The following PTPDC1 variants were observed in gnomAD, a reference collection of about 807,000 sequenced individuals.
The protein encoded by PTPDC1 is protein tyrosine phosphatase domain-containing protein 1.
PTPDC1 carries 53 observed loss-of-function variants against 75.3 expected under a neutral mutation model. The observed-to-expected ratio is 0.70, with a 90% CI of 0.56 to 0.88. The LOEUF (loss-of-function observed/expected upper bound fraction) is 0.88, where lower values mean the gene tolerates loss of function less well. Among genes scored for constraint, PTPDC1 ranks in the 40% least tolerant of loss-of-function variants. The pLI is 0.00. For missense variants in PTPDC1, 925 were observed against 998.6 expected (o/e 0.93, Z 0.99); for synonymous variants, 349 against 366.2 (o/e 0.95, Z 0.54).
intron 1 of PTPDC1, among the ~76,000 whole-genome samples, chr9:94,042,265 C>A (rs1825448002): frequency 1.3e-5 from 2 of 152,272 alleles, no homozygotes; most frequent in African/African-American, 4.8e-5. Flanking sequence ...TTGTTGCTTT[C>A]TTTTACAGTT....
At chr9:94,105,658 C>T (rs892252749) in intron 8 of PTPDC1, among the ~76,000 whole-genome samples, 20 of 102,856 alleles carry the variant, frequency 1.9e-4, no homozygotes, top group African/African-American at 9.1e-4. Flanking sequence ...CAGAGCGAGA[C>T]TCTGTCTCAA....
chr9:94,058,537 G>GA (rs1363885854), intron 1 of PTPDC1, among the ~76,000 whole-genome samples: 2,188 of 134,388 alleles, frequency 0.016, 35 homozygotes, highest in African/African-American at 0.053. Context: ...CATCTCTACT[G>GA]AAAAAAAAAA....
At chr9:94,095,711 T>C (rs1827539258) in intron 5 of PTPDC1, among the ~76,000 whole-genome samples, 1 of 152,202 alleles carries the variant, frequency 6.6e-6, no homozygotes, top group South Asian at 2.1e-4. Flanking sequence ...ATTATGCGTA[T>C]ACTAAATACA....
chr9:94,038,392 A>G (rs1825336452), intron 1 of PTPDC1: 1 of 434,374 alleles, frequency 2.3e-6, no homozygotes, highest in Non-Finnish European at 4.2e-6. Context: ...TGACTTTTTT[A>G]TGTGTACCAT....
Position 94,097,755 on chromosome 9 carries a change from G to T in PTPDC1, c.1189G>T (p.Val397Leu), listed in dbSNP as rs149978079. The change falls in exon 6 of 9, where the codon GTG becomes TTG. Residue 397 changes from valine to leucine, a missense_variant. Physicochemically the swap from Val to Leu is conservative, Grantham distance 32. Coordinates refer to ENST00000620992, the MANE Select transcript of PTPDC1 (RefSeq NM_001253829.2). The part of the protein sequence containing the change: ...DKELLRHDSD[V>L]SNPPNPTAVA... Reference sequence around the variant, plus strand: ...AGAGTTACTGAGGCATGACAGTGATGTGTCCAACCCGCCTAACCCCACTGC... The same window carrying T: ...AGAGTTACTGAGGCATGACAGTGATTTGTCCAACCCGCCTAACCCCACTGC... 2.4e-4 allele frequency: 385 copies of T among 1,614,196 alleles called. 1 individual carries two copies. The highest frequency in any genetic ancestry group is 8.2e-4 in the Middle Eastern group (5 of 6,062).
In PTPDC1 at chr9:94,076,013, T is replaced by G. The variant is rs2398902; in HGVS notation, c.83-9238T>G. ...GTGTGTTTTGTTTGTTTGTTTGTTT[T>G]TTTGAGACGGAGTTTCGCTCTTGTT... On this transcript the variant is annotated intron_variant, in intron 2 of 9. Transcript: ENST00000375360. Among the ~76,000 whole-genome samples, 1,095 of 151,616 alleles carry G rather than the reference T, an allele frequency of 7.2e-3. 39 individuals carry two copies. The highest frequency in any genetic ancestry group is 0.06 in the Admixed American group (907 of 15,216).
rs772066766 is a variant in PTPDC1 at position 94,087,923 on chromosome 9, A to G, written c.497+12A>G. 2.5e-6 allele frequency: 4 copies of G among 1,605,846 alleles called. No homozygotes were observed. In the East Asian group the frequency reaches 6.7e-5, roughly 27 times the overall value. ...GATCAGTTCCTCAGGTAAATGCTGT[A>G]TTGTTCACACACGAGTGAGCAAACT... On this transcript the variant is annotated intron_variant, in intron 3 of 8. Transcript: ENST00000620992.
chr9:94,069,530 T>G (rs1383876065), intron 2 of PTPDC1, among the ~76,000 whole-genome samples: 1 of 151,804 alleles, frequency 6.6e-6, no homozygotes, highest in Non-Finnish European at 1.5e-5. Flanking sequence ...TTCTTTTTTT[T>G]TTTTTTTTTG....
Position 94,109,681 on chromosome 9 carries a change from A to G in PTPDC1, c.*1737A>G, listed in dbSNP as rs1828130276. Reference sequence around the variant, plus strand: ...CCACAGGTCTTTTGGCGAGTTTGCTATTTGCCTGTTGAAATACTTGTTTCA... The same window carrying G: ...CCACAGGTCTTTTGGCGAGTTTGCTGTTTGCCTGTTGAAATACTTGTTTCA... On this transcript the variant is annotated 3_prime_UTR_variant, in exon 9 of 9. Coordinates refer to ENST00000620992, the MANE Select transcript of PTPDC1 (RefSeq NM_001253829.2). 1 of 152,150 alleles carries G rather than the reference A, an allele frequency of 6.6e-6. No homozygotes were observed. The highest frequency in any genetic ancestry group is 1.5e-5 in the Non-Finnish European group (1 of 68,028). 9.4% of individuals were successfully genotyped at this position (152,150 alleles called of 1,614,324 possible).
At position 94,097,390 on chromosome 9, in the gene PTPDC1, G is replaced by A. The variant is rs779431455; in HGVS notation, c.824G>A (p.Arg275Gln). The stretch of plus-strand genomic sequence containing the variant: ...GCTGACCAAGCAATTATATTTGTGC[G>A]GGCAAAGCGACCCAATTCCATACAA... ...MTADQAIIFV[R>Q]AKRPNSIQTR... The change falls in exon 6 of 9, where the codon CGG (arginine) becomes CAG (glutamine). Residue 275 changes from arginine (R) to glutamine (Q), a missense_variant. Coordinates refer to ENST00000620992, the MANE Select transcript of PTPDC1 (RefSeq NM_001253829.2). 41 of 1,613,856 alleles carry A rather than the reference G, an allele frequency of 2.5e-5. No individual in the cohort carries two copies. Among genetic ancestry groups the A allele is most frequent in the African/African-American group, 6.7e-5 (5 of 74,878 alleles).
intron 1 of PTPDC1, among the ~76,000 whole-genome samples, chr9:94,061,376 G>T (rs995331409): frequency 6.6e-6 from 1 of 152,222 alleles, no homozygotes; most frequent in Admixed American, 6.5e-5. Context: ...CAAGCTGCTG[G>T]AGACTTTGTC....
rs748710176 is a variant in PTPDC1 at position 94,098,263 on chromosome 9, A to G, written c.1697A>G (p.His566Arg). 31 of 1,614,100 alleles carry G rather than the reference A, an allele frequency of 1.9e-5. No homozygotes were observed. The highest frequency in any genetic ancestry group is 2.4e-5 in the Non-Finnish European group (28 of 1,180,048). The change falls in exon 6 of 9, where the codon CAT becomes CGT. Residue 566 changes from histidine to arginine, a missense_variant. Physicochemically the swap from His to Arg is conservative, Grantham distance 29. Transcript: ENST00000620992. ...EPVSPSFANV[H>R]KDPNPAHQQV... ...GTTTCACCCAGCTTTGCAAATGTCC[A>G]TAAGGATCCAAACCCTGCTCACCAG...
At chr9:94,104,016 A>T (rs933872423) in intron 7 of PTPDC1, among the ~76,000 whole-genome samples, 10 of 152,240 alleles carry the variant, frequency 6.6e-5, no homozygotes, top group African/African-American at 2.4e-4. Flanking sequence ...CTTGGTTTAA[A>T]AGTGCACTGA....
chr9:94,107,934 C>G lies in PTPDC1; in HGVS notation c.2417C>G (p.Pro806Arg). 3.8e-6 allele frequency: 6 copies of G among 1,586,456 alleles called. No individual in the cohort carries two copies. The highest frequency in any genetic ancestry group is 5.2e-6 in the Non-Finnish European group (6 of 1,164,274). The change falls in exon 9 of 9, where the codon CCT becomes CGT. Residue 806 changes from proline (P) to arginine (R), a missense_variant. Transcript: ENST00000620992. ...AAAATGACAAAAGATGGCCCTAAGC[C>G]TGGCCTCTAGCTTTCACTCGTGGTG... is the stretch of plus-strand genomic sequence containing the variant. ...KRKMTKDGPKPGL is the reference protein window; with the variant it reads ...KRKMTKDGPKRGL
At chr9:94,104,833 A>T (rs2118102902) in intron 8 of PTPDC1, among the ~76,000 whole-genome samples, 1 of 152,072 alleles carries the variant, frequency 6.6e-6, no homozygotes, top group Non-Finnish European at 1.5e-5. Context: ...GGAAAGAGTT[A>T]AAAAAAAGGT....
chr9:94,082,360 T>C (rs927110872), upstream of PTPDC1, among the ~76,000 whole-genome samples: 15 of 152,368 alleles, frequency 9.8e-5, no homozygotes, highest in Non-Finnish European at 1.8e-4. Flanking sequence ...GATCCCTTTC[T>C]GAAATCTTGA....
At chr9:94,035,237 C>A (rs897210953) in intron 1 of PTPDC1, among the ~76,000 whole-genome samples, 1 of 152,182 alleles carries the variant, frequency 6.6e-6, no homozygotes, top group Non-Finnish European at 1.5e-5. Flanking sequence ...TAACTATATT[C>A]ACCACACTGT....
rs1358977972 is a variant in PTPDC1, at chr9:94,108,677, C to T, written c.*733C>T. 1 of 152,242 alleles carries T rather than the reference C, an allele frequency of 6.6e-6. No homozygotes were observed. The highest frequency in any genetic ancestry group is 2.4e-5 in the African/African-American group (1 of 41,452). 9.4% of individuals were successfully genotyped at this position (152,242 alleles called of 1,614,324 possible). The stretch of plus-strand genomic sequence containing the variant: ...GTCAAAAGGAGGCAGGAGCAGTTCT[C>T]AACACACCAAGCCTTATTCCCACTC... On this transcript the variant is annotated 3_prime_UTR_variant, in exon 9 of 9. Coordinates refer to ENST00000620992, the MANE Select transcript of PTPDC1 (RefSeq NM_001253829.2).
intron 8 of PTPDC1, among the ~76,000 whole-genome samples, chr9:94,104,716 T>G (rs1251163539): frequency 6.6e-6 from 1 of 152,192 alleles, no homozygotes; most frequent in Non-Finnish European, 1.5e-5. Flanking sequence ...AGAGAATCTT[T>G]GCTTGTCGAG....
Sources: gnomAD v4.1 joint callset for allele counts (sites outside exome capture counted in the v4.1 genomes callset) on GRCh38, gnomAD v4.1.1 for gene constraint, MANE v1.5 for transcripts, NCBI Gene and HGNC (gene_info 2026-07-23, HGNC 2026-07-21) for gene names.